Variants in PON3 observed in about 807,000 individuals in gnomAD.
PON3 encodes the protein serum paraoxonase/lactonase 3.
Under a neutral mutation model 36.3 loss-of-function variants are expected in PON3, and 37 were observed. The observed-to-expected ratio is 1.02, with a 90% CI of 0.78 to 1.34. The LOEUF is 1.34. Among genes scored for constraint, PON3 ranks in the 40% most tolerant of loss-of-function variants. The pLI is 0.00. For missense variants in PON3, 415 were observed against 426.5 expected, an observed-to-expected ratio of 0.97 and a Z score of 0.24; for synonymous variants, 155 against 154.8, an observed-to-expected ratio of 1.00 and a Z score of -0.01.
chr7:95,390,962 A>G (rs1278356348), intron 2 of PON3, among the ~76,000 whole-genome samples: 1 of 152,142 alleles, frequency 6.6e-6, no homozygotes, highest in Non-Finnish European at 1.5e-5. Flanking sequence ...ACTTTCCCAC[A>G]CACTTATTAG....
chr7:95,372,960 C>G (rs924440237), intron 3 of PON3, among the ~76,000 whole-genome samples: 1 of 152,240 alleles, frequency 6.6e-6, no homozygotes, highest in South Asian at 2.1e-4. Flanking sequence ...AAAGTTTATT[C>G]CAGTAACTTG....
At chr7:95,388,806 GA>G (rs1226090641) in intron 3 of PON3, among the ~76,000 whole-genome samples, 2 of 152,152 alleles carry the variant, frequency 1.3e-5, no homozygotes, top group Non-Finnish European at 2.9e-5. Flanking sequence ...GGATGAAACT[GA>G]AAACTATAAT....
At chr7:95,392,050 G>A (rs1809331038) in intron 2 of PON3, among the ~76,000 whole-genome samples, 1 of 152,212 alleles carries the variant, frequency 6.6e-6, no homozygotes, top group African/African-American at 2.4e-5. Context: ...AATCTGCAAA[G>A]CATAGATAGC....
chr7:95,387,664 G>A (rs116306774), intron 3 of PON3, among the ~76,000 whole-genome samples: 38,830 of 151,932 alleles, frequency 0.26, 5,369 homozygotes, highest in South Asian at 0.36. Context: ...ATAAGGGCCC[G>A]CATAGCCAAG....
chr7:95,385,024 TA>T (rs1486852726), intron 3 of PON3, among the ~76,000 whole-genome samples: 1 of 152,078 alleles, frequency 6.6e-6, no homozygotes, highest in Non-Finnish European at 1.5e-5. Context: ...TATGCAGACA[TA>T]AAAAATGATG....
intron 5 of PON3, among the ~76,000 whole-genome samples, chr7:95,366,583 A>T (rs1032614717): frequency 2.7e-4 from 41 of 152,236 alleles, no homozygotes; most frequent in Non-Finnish European, 8.8e-5. Flanking sequence ...CCCATTTGAT[A>T]AAAGATGAAT....
intron 4 of PON3, among the ~76,000 whole-genome samples, chr7:95,369,928 G>A (rs550146172): frequency 6.6e-6 from 1 of 152,324 alleles, no homozygotes; most frequent in East Asian, 1.9e-4. Context: ...ATGACAAAGA[G>A]TGAGCCAGAA....
intron 3 of PON3, among the ~76,000 whole-genome samples, chr7:95,375,048 ACCAAAATCAACACTCT>A (rs1363221454): frequency 6.6e-6 from 1 of 151,968 alleles, no homozygotes; most frequent in Non-Finnish European, 1.5e-5. Flanking sequence ...ACTAGTCAAA[ACCAAAATCAACACTCT>A]CCCCTCGAAT....
intron 3 of PON3, among the ~76,000 whole-genome samples, chr7:95,386,406 C>T (rs1428056928): frequency 6.6e-6 from 1 of 152,164 alleles, no homozygotes; most frequent in Non-Finnish European, 1.5e-5. Flanking sequence ...TTCCTCGACA[C>T]ATACATCCTC....
chr7:95,389,278 T>C (rs1809266498), intron 3 of PON3, among the ~76,000 whole-genome samples: 1 of 152,196 alleles, frequency 6.6e-6, no homozygotes, highest in Non-Finnish European at 1.5e-5. Flanking sequence ...CACTCTATTC[T>C]ACTGTGTGTA....
chr7:95,374,532 C>T (rs1808873514), intron 3 of PON3, among the ~76,000 whole-genome samples: 1 of 152,052 alleles, frequency 6.6e-6, no homozygotes, highest in Non-Finnish European at 1.5e-5. Flanking sequence ...CTTAACTTTA[C>T]TGCCTCTTCA....
At chr7:95,367,609 C>T in intron 4 of PON3, 121 bp from the exon 5 acceptor site, 1 of 1,020,740 alleles carries the variant, frequency 9.8e-7, no homozygotes. Flanking sequence ...TTTACCCTCA[C>T]AGTCTACATG....
chr7:95,382,833 TCCTC>T (rs1809092593), intron 3 of PON3, among the ~76,000 whole-genome samples: 1 of 152,112 alleles, frequency 6.6e-6, no homozygotes, highest in Non-Finnish European at 1.5e-5. Context: ...AAAGAGGGAA[TCCTC>T]CCTAACTCAT....
Position 95,372,249 on chromosome 7 carries a change from T to C in PON3, c.291A>G (p.Ala97=), listed in dbSNP as rs1256265709. 1.2e-6 allele frequency: 2 copies of C among 1,613,934 alleles called. No homozygotes were observed. Among genetic ancestry groups the C allele is most frequent in the Admixed American group, 3.3e-5 (2 of 60,014 alleles). ...LMDLNEQNPR[A]QALEISGGFD... is the part of the protein sequence containing the mutation. ...ATCCACCACTGATTTCTAGCGCTTG[T>C]GCCCTTGGGTTTTGTTCATTCAGAT... Residue 97 remains alanine (A), a synonymous_variant, in exon 4 of 9, where the codon GCA becomes GCG. Coordinates refer to ENST00000265627, the MANE Select transcript of PON3 (RefSeq NM_000940.3).
intron 8 of PON3, among the ~76,000 whole-genome samples, 158 bp downstream of exon 8, chr7:95,362,203 AC>A (rs1396232038): frequency 6.6e-6 from 1 of 152,178 alleles, no homozygotes; most frequent in Non-Finnish European, 1.5e-5. Context: ...GAGTTAACGA[AC>A]CTTATCTCCC....
chr7:95,365,707 A>C (rs2116379799), intron 5 of PON3: 1 of 152,310 alleles, frequency 6.6e-6, no homozygotes, highest in Admixed American at 6.5e-5. Flanking sequence ...CTAGGAATCC[A>C]AAACCGTGTT....
chr7:95,367,922 T>C (rs533257543), intron 4 of PON3, among the ~76,000 whole-genome samples: 1 of 152,290 alleles, frequency 6.6e-6, no homozygotes, highest in South Asian at 2.1e-4. Flanking sequence ...AGAAGCTCAG[T>C]GAATGTCAGG....
At chr7:95,374,894 T>C (rs1297821882) in intron 3 of PON3, among the ~76,000 whole-genome samples, 2 of 152,092 alleles carry the variant, frequency 1.3e-5, no homozygotes, top group Non-Finnish European at 2.9e-5. Flanking sequence ...CCCTTCTCAC[T>C]CTATACTCTT....
At chr7:95,391,998 C>T (rs1379325684) in intron 2 of PON3, among the ~76,000 whole-genome samples, 1 of 152,192 alleles carries the variant, frequency 6.6e-6, no homozygotes. Context: ...TAGTTCCGGA[C>T]CATTGGGCAA....
Sources: gnomAD v4.1 joint callset for allele counts (sites outside exome capture counted in the v4.1 genomes callset) on GRCh38, gnomAD v4.1.1 for gene constraint, MANE v1.5 for transcripts, NCBI Gene and HGNC (gene_info 2026-07-23, HGNC 2026-07-21) for gene names.